The following CADM2 variants were observed in gnomAD, a reference collection of about 807,000 sequenced individuals.
CADM2 encodes the protein cell adhesion molecule 2.
In CADM2, 12 loss-of-function variants were observed where a neutral mutation model predicts 49.8. The ratio of observed to expected loss-of-function variants is 0.24; its 90% CI spans 0.15 to 0.39. CADM2 has a LOEUF of 0.39. CADM2 is among the 10% of genes least tolerant of loss of function. The pLI is 1.00. For synonymous variants in CADM2, 214 were observed against 175.4 expected (o/e 1.22, Z -1.74); for missense variants, 378 against 492.3 (o/e 0.77, Z 2.20).
At chr3:85,599,791 T>G (rs530155802) in intron 1 of CADM2, among the ~76,000 whole-genome samples, 18 of 152,056 alleles carry the variant, frequency 1.2e-4, no homozygotes, top group Admixed American at 4.6e-4. Context: ...ACGATAAATT[T>G]TAAAAAATAT....
chr3:85,887,242 A>G (rs1270649117), intron 5 of CADM2, among the ~76,000 whole-genome samples: 4 of 152,048 alleles, frequency 2.6e-5, no homozygotes, highest in Non-Finnish European at 4.4e-5. Flanking sequence ...ATGCACGACC[A>G]TGCTTGGCTA....
intron 1 of CADM2, among the ~76,000 whole-genome samples, chr3:85,320,186 C>T (rs1180605508): frequency 6.6e-6 from 1 of 152,194 alleles, no homozygotes; most frequent in Non-Finnish European, 1.5e-5. Flanking sequence ...TTGGAGGTCA[C>T]AAATGCTGTT....
At chr3:85,342,217 C>T (rs914581136) in intron 1 of CADM2, among the ~76,000 whole-genome samples, 3 of 152,022 alleles carry the variant, frequency 2.0e-5, no homozygotes, top group African/African-American at 7.2e-5. Context: ...TGAACAGACA[C>T]TTCTCAAAAG....
intron 1 of CADM2, among the ~76,000 whole-genome samples, chr3:85,718,169 A>T (rs572611360): frequency 2.6e-5 from 4 of 152,218 alleles, no homozygotes; most frequent in Non-Finnish European, 5.9e-5. Flanking sequence ...TTATATGTAT[A>T]TATAACCCAT....
At chr3:85,720,711 T>C (rs1458422800) in intron 1 of CADM2, among the ~76,000 whole-genome samples, 2 of 152,184 alleles carry the variant, frequency 1.3e-5, no homozygotes, top group Non-Finnish European at 2.9e-5. Flanking sequence ...AAAGATGCTA[T>C]TTTAATAAGT....
chr3:85,331,695 A>G (rs1023004557), intron 1 of CADM2, among the ~76,000 whole-genome samples: 5 of 152,060 alleles, frequency 3.3e-5, no homozygotes, highest in Non-Finnish European at 5.9e-5. Flanking sequence ...AGGAACCTCC[A>G]TACTGTTCTC....
chr3:85,745,030 G>A (rs999842370), intron 2 of CADM2, among the ~76,000 whole-genome samples: 1 of 152,134 alleles, frequency 6.6e-6, no homozygotes, highest in African/African-American at 2.4e-5. Flanking sequence ...TGGCGTTGGT[G>A]AGAAGAAATT....
intron 1 of CADM2, among the ~76,000 whole-genome samples, chr3:85,337,897 T>G (rs1236947593): frequency 6.6e-6 from 1 of 151,694 alleles, no homozygotes; most frequent in Non-Finnish European, 1.5e-5. Context: ...CTCATATATT[T>G]TAATCTCTTA....
intron 1 of CADM2, among the ~76,000 whole-genome samples, chr3:85,228,361 T>C (rs952044480): frequency 6.6e-6 from 1 of 151,918 alleles, no homozygotes; most frequent in Non-Finnish European, 1.5e-5. Context: ...CTTCTTACTT[T>C]ATTTCATTAA....
chr3:85,061,582 AC>A (rs1397230111), intron 1 of CADM2, among the ~76,000 whole-genome samples: 4 of 152,172 alleles, frequency 2.6e-5, no homozygotes, highest in Admixed American at 2.6e-4. Context: ...GGTAGTAGTA[AC>A]TGACAGCCTG....
chr3:85,637,616 A>ATAAAATAAAATAAAGT (rs5850706), intron 1 of CADM2, among the ~76,000 whole-genome samples: 1 of 96,088 alleles, frequency 1.0e-5, no homozygotes, highest in Admixed American at 1.0e-4. Context: ...CTCAAAAAAA[A>ATAAAATAAAATAAAGT]AAAAAAAAAT....
At position 85,073,535 on chromosome 3, in the gene CADM2, T is replaced by G. The variant is rs558572434; in HGVS notation, c.61+113867T>G. ...CTTTCACTGGAAACCCTCTAATGAA[T>G]CCCCATGTCATTCAGAGAAAAAGAC... On this transcript the variant is annotated intron_variant, in intron 1 of 9. Coordinates refer to ENST00000383699, the MANE Select transcript of CADM2 (RefSeq NM_001167675.2). 4.6e-5 allele frequency among the ~76,000 whole-genome samples: 7 copies of G among 152,180 alleles called. No individual in the cohort carries two copies. In the South Asian group the frequency reaches 1.5e-3, roughly 32 times the overall value.
intron 1 of CADM2, among the ~76,000 whole-genome samples, chr3:85,291,023 G>A (rs985400061): frequency 2.0e-5 from 3 of 152,154 alleles, no homozygotes; most frequent in Non-Finnish European, 2.9e-5. Flanking sequence ...CAAAGGCAAA[G>A]AAGTTGAAAA....
chr3:85,551,773 CA>C (rs2107119967), intron 1 of CADM2, among the ~76,000 whole-genome samples: 1 of 152,106 alleles, frequency 6.6e-6, no homozygotes, highest in East Asian at 1.9e-4. Context: ...CTCTCTTTTT[CA>C]AAAACATTTC....
At chr3:85,201,478 A>T (rs1160418027) in intron 1 of CADM2, among the ~76,000 whole-genome samples, 1 of 152,140 alleles carries the variant, frequency 6.6e-6, no homozygotes, top group African/African-American at 2.4e-5. Flanking sequence ...ACTGATTAGG[A>T]TGGTAGTTGC....
At chr3:85,103,150 C>T (rs1306760161) in intron 1 of CADM2, among the ~76,000 whole-genome samples, 2 of 152,078 alleles carry the variant, frequency 1.3e-5, no homozygotes, top group African/African-American at 2.4e-5. Context: ...ATGAATAATT[C>T]TTAATTATCT....
chr3:85,379,576 T>C (rs2163971), intron 1 of CADM2, among the ~76,000 whole-genome samples: 66,637 of 151,606 alleles, frequency 0.44, 17,689 homozygotes, highest in East Asian at 0.79. Context: ...CTTGCTTTAA[T>C]GATATCAGCT....
intron 7 of CADM2, among the ~76,000 whole-genome samples, chr3:85,944,973 A>G (rs1349627172): frequency 6.6e-6 from 1 of 152,090 alleles, no homozygotes; most frequent in Non-Finnish European, 1.5e-5. Context: ...CCTTCAAAAA[A>G]TCGGTGAATC....
At chr3:85,665,326 T>A (rs1240300574) in intron 1 of CADM2, among the ~76,000 whole-genome samples, 1 of 151,944 alleles carries the variant, frequency 6.6e-6, no homozygotes, top group Non-Finnish European at 1.5e-5. Flanking sequence ...TTATTAAATA[T>A]AATTTAATTT....
Sources: gnomAD v4.1 joint callset for allele counts (sites outside exome capture counted in the v4.1 genomes callset) on GRCh38, gnomAD v4.1.1 for gene constraint, MANE v1.5 for transcripts, NCBI Gene and HGNC (gene_info 2026-07-23, HGNC 2026-07-21) for gene names.